The following LRP3 variants were observed in gnomAD, a reference collection of about 807,000 sequenced individuals.
LRP3 encodes low-density lipoprotein receptor-related protein 3.
A neutral mutation model predicts 58.5 loss-of-function variants in LRP3; 49 were observed. The ratio of observed to expected loss-of-function variants is 0.84; its 90% confidence interval spans 0.67 to 1.06. The LOEUF is 1.06. Among genes scored for constraint, LRP3 ranks in the 50% least tolerant of loss-of-function variants. The probability of loss-of-function intolerance (pLI) is 0.00; values close to 1 mark genes in which losing one functional copy is unlikely to be tolerated. For missense variants in LRP3, 1,019 were observed against 1,134.2 expected, an observed-to-expected ratio of 0.90 and a Z score of 1.46; for synonymous variants, 485 against 492.2, an observed-to-expected ratio of 0.99 and a Z score of 0.20.
intron 1 of LRP3, among the ~76,000 whole-genome samples, chr19:33,196,082 T>C (rs539123414): frequency 2.0e-5 from 3 of 152,116 alleles, no homozygotes; most frequent in African/African-American, 7.2e-5. Flanking sequence ...GGTGGGTGCT[T>C]GAGGGGTGGC....
chr19:33,196,808 T>G (rs1313174820), intron 2 of LRP3, 31 bp downstream of exon 2: 1 of 1,608,618 alleles, frequency 6.2e-7, no homozygotes, highest in Non-Finnish European at 8.5e-7. Flanking sequence ...CTTCCTCCAC[T>G]CCTTCAGTCC....
rs765423357 is a variant in LRP3, at chr19:33,205,818, C to G, written c.1048C>G (p.Arg350Gly). 2 of 1,586,626 alleles carry G rather than the reference C, an allele frequency of 1.3e-6. No homozygotes were observed. The highest frequency in any genetic ancestry group is 1.7e-6 in the Non-Finnish European group (2 of 1,168,338). The stretch of plus-strand genomic sequence containing the variant: ...CCGCCTCACTGTGGCCTACCACGCG[C>G]GCGCCCGCAGCGCCGGCCACGGCTT... ...QGRLTVAYHA[R>G]ARSAGHGFNA... The change falls in exon 5 of 7, where the codon CGC becomes GGC. Residue 350 changes from arginine (R) to glycine (G), a missense_variant. Transcript: ENST00000253193.
At chr19:33,201,003 G>A (rs1331774436) in intron 2 of LRP3, among the ~76,000 whole-genome samples, 1 of 152,332 alleles carries the variant, frequency 6.6e-6, no homozygotes, top group South Asian at 2.1e-4. Context: ...GTCCTAGTAG[G>A]CCCCCAGGGG....
At chr19:33,195,995 C>A (rs1473675649) in intron 1 of LRP3, among the ~76,000 whole-genome samples, 1 of 150,176 alleles carries the variant, frequency 6.7e-6, no homozygotes, top group Non-Finnish European at 1.5e-5. Flanking sequence ...AGTTGGGTTT[C>A]CCCCCACCCC....
chr19:33,199,932 C>T (rs960757585), intron 2 of LRP3, among the ~76,000 whole-genome samples: 2 of 152,154 alleles, frequency 1.3e-5, no homozygotes, highest in Admixed American at 6.5e-5. Context: ...AGGGGCAGGT[C>T]TATGTCTGTC....
rs1164386752 is a variant in LRP3, at chr19:33,206,167, T to G, written c.1397T>G (p.Leu466Arg). ...QPGTFHCGTN[L>R]CIFETWRCDG... ...GGCACCTTCCACTGCGGTACCAACC[T>G]GTGCATCTTCGAGACGTGGCGCTGT... Residue 466 changes from leucine (L) to arginine (R), a missense_variant, in exon 5 of 7, where the codon CTG (leucine) becomes CGG (arginine). This residue lies in a region of LRP3 where 592 missense variants were observed against 725.5 expected (regional missense o/e 0.82). Coordinates refer to ENST00000253193, the MANE Select transcript of LRP3 (RefSeq NM_002333.4). The G allele has an allele frequency of 6.3e-7, 1 of 1,598,926 alleles. No homozygotes were observed. Among genetic ancestry groups the G allele is most frequent in the Middle Eastern group, 1.7e-4 (1 of 6,034 alleles).
chr19:33,207,833 C>A lies in LRP3; in HGVS notation c.*258C>A, dbSNP rs1449709826. 2 of 532,846 alleles carry A rather than the reference C, an allele frequency of 3.8e-6. No individual in the cohort carries two copies. The highest frequency in any genetic ancestry group is 6.6e-6 in the Non-Finnish European group (2 of 303,228). The allele number at this position is 532,846 out of a possible 1,614,324, so 33.0% of individuals were successfully genotyped here. A position where few individuals can be genotyped will look rare whatever the true frequency, so the allele number is the denominator to read the frequency against. ...CACCCTGGGGTCTCACTTCTCTCCC[C>A]CCACTCCATTCTGGGAACCCATTTC... is the stretch of plus-strand genomic sequence containing the variant. On this transcript the variant is annotated 3_prime_UTR_variant, in exon 7 of 7. Coordinates refer to ENST00000253193, the MANE Select transcript of LRP3 (RefSeq NM_002333.4).
rs1483078907 is a variant in LRP3 at position 33,207,262 on chromosome 19, C to A, written c.2000C>A (p.Pro667His). The change falls in exon 7 of 7, where the codon CCC (proline) becomes CAC (histidine). Residue 667 changes from proline (P) to histidine (H), a missense_variant. Around this residue, in one of 2 missense-constraint regions of LRP3, gnomAD observed 427 missense variants for 408.6 expected, o/e 1.04. Transcript: ENST00000253193. Reference protein sequence around the residue: ...TGSTRAAGDRPPSAPGRAPEV... With the variant: ...TGSTRAAGDRHPSAPGRAPEV... ...AGCACCAGGGCGGCCGGAGACAGGCCCCCCAGTGCCCCCGGCCGTGCACCG... is the reference window on the plus strand; with the variant it reads ...AGCACCAGGGCGGCCGGAGACAGGCACCCCAGTGCCCCCGGCCGTGCACCG... 1.9e-6 allele frequency: 3 copies of A among 1,550,260 alleles called. No individual in the cohort carries two copies. Among genetic ancestry groups the A allele is most frequent in the South Asian group, 1.2e-5 (1 of 83,464 alleles).
Position 33,204,674 on chromosome 19 carries a change from C to T in LRP3, c.297C>T (p.Cys99=), listed in dbSNP as rs139965590. The T allele has an allele frequency of 1.7e-4, 277 of 1,608,460 alleles. No individual in the cohort carries two copies. The African/African-American group carries it at 3.3e-3, about 19-fold the overall frequency. ...RNFDVEESHQ[C]SLDWLLLGPA... is the part of the protein sequence containing the mutation. ...TTGACGTGGAGGAGTCCCACCAGTG[C>T]TCCCTGGACTGGCTCCTGCTGGGCC... The change falls in exon 4 of 7, where the codon TGC becomes TGT. Residue 99 remains cysteine (C), a synonymous_variant. Transcript: ENST00000253193.
At chr19:33,197,878 T>A (rs1376801213) in intron 2 of LRP3, among the ~76,000 whole-genome samples, 1 of 152,200 alleles carries the variant, frequency 6.6e-6, no homozygotes, top group African/African-American at 2.4e-5. Flanking sequence ...TGGGCCTCTT[T>A]CCCTCTCTCT....
intron 2 of LRP3, among the ~76,000 whole-genome samples, chr19:33,201,005 C>T (rs1974335720): frequency 6.6e-6 from 1 of 152,202 alleles, no homozygotes; most frequent in African/African-American, 2.4e-5. Flanking sequence ...CCTAGTAGGC[C>T]CCCAGGGGAA....
Position 33,204,773 on chromosome 19 carries a change from C to T in LRP3, c.396C>T (p.Arg132=), listed in dbSNP as rs145738331. The T allele has an allele frequency of 5.6e-6, 9 of 1,613,234 alleles. No homozygotes were observed. The highest frequency in any genetic ancestry group is 2.2e-5 in the South Asian group (2 of 91,088). ...TCCCACCTGCCTTCATCTCTGCCCG[C>T]GACCATGTCTGGATTTTCTTCCACT... ...SAIPPAFISA[R]DHVWIFFHSD... is the part of the protein sequence containing the mutation. Residue 132 remains arginine (R), a synonymous_variant, in exon 4 of 7, where the codon CGC becomes CGT. Transcript: ENST00000253193.
At chr19:33,196,407 A>G (rs1046531941) in intron 1 of LRP3, among the ~76,000 whole-genome samples, 1 of 151,818 alleles carries the variant, frequency 6.6e-6, no homozygotes, top group Non-Finnish European at 1.5e-5. Context: ...AAAAATAAAA[A>G]AATAACCAGG....
In LRP3 at chr19:33,204,167, C is replaced by T. The variant is rs185568026; in HGVS notation, c.261-471C>T. 1.3e-3 allele frequency: 226 copies of T among 171,538 alleles called. 1 individual carries two copies. The highest frequency in any genetic ancestry group is 5.2e-3 in the African/African-American group (219 of 42,168). 10.6% of individuals were successfully genotyped at this position (171,538 alleles called of 1,614,324 possible). On this transcript the variant is annotated intron_variant, in intron 3 of 6. Transcript: ENST00000253193. The stretch of plus-strand genomic sequence containing the variant: ...TGACAAGCTGTCAACCTGCTGCAGC[C>T]TTAGCCAGCCCCGTGGGCAGTCTCA...
rs116761954 is a variant in LRP3, at chr19:33,202,296, C to T, written c.122-552C>T. ...CCACTGAGGGGTTCTGCGTAAAGTT[C>T]GTCTGCTCCCACCCCCAGCCTATGA... On this transcript the variant is annotated intron_variant, in intron 2 of 6. Transcript: ENST00000253193. Among the ~76,000 whole-genome samples the T allele has an allele frequency of 4.1e-3, 617 of 152,334 alleles. 1 individual carries two copies. Among genetic ancestry groups the T allele is most frequent in the Middle Eastern group, 0.014 (4 of 294 alleles).
In LRP3 at chr19:33,206,667, TGGTCA is replaced by T; in HGVS notation, c.1661_1665del (p.Gly554AlafsTer209). 1 of 1,581,612 alleles carries T rather than the reference TGGTCA, an allele frequency of 6.3e-7. No individual in the cohort carries two copies. Among genetic ancestry groups the T allele is most frequent in the Non-Finnish European group, 8.6e-7 (1 of 1,164,626 alleles). The stretch of plus-strand genomic sequence containing the variant: ...TGCGGCGGGAGGCACCCCCATCCTA[TGGTCA>T]GCTCATCGCCCAGGGCCTCATTCCA... On this transcript the variant is annotated frameshift_variant, in exon 6 of 7. Coordinates refer to ENST00000253193, the MANE Select transcript of LRP3 (RefSeq NM_002333.4). LOFTEE classifies it high-confidence loss of function.
At chr19:33,199,912 C>T (rs1974324097) in intron 2 of LRP3, among the ~76,000 whole-genome samples, 1 of 152,202 alleles carries the variant, frequency 6.6e-6, no homozygotes, top group African/African-American at 2.4e-5. Flanking sequence ...CCCCCAAGGG[C>T]CCCAAGGAGA....
In LRP3 at chr19:33,206,371, T is replaced by C. The variant is rs1304366200; in HGVS notation, c.1592+9T>C. The C allele has an allele frequency of 6.2e-7, 1 of 1,604,166 alleles. No homozygotes were observed. The highest frequency in any genetic ancestry group is 8.5e-7 in the Non-Finnish European group (1 of 1,179,268). ...CGCACGCAGGAATACAGGTGGGCGC[T>C]GTGCCCGCAGCCAGGGGACCGGGCT... On this transcript the variant is annotated intron_variant, in intron 5 of 6. Coordinates refer to ENST00000253193, the MANE Select transcript of LRP3 (RefSeq NM_002333.4).
chr19:33,208,592 A>G lies in LRP3; in HGVS notation c.*1017A>G. ...CCACGGCATCTTCCTGGCCAGCAAC[A>G]TGTGTGCACCCACCGAGGTACGCCC... is the stretch of plus-strand genomic sequence containing the variant. On this transcript the variant is annotated 3_prime_UTR_variant, in exon 7 of 7. Transcript: ENST00000253193. The surrounding 1 kb of genome is among the most constrained non-coding windows in gnomAD (Gnocchi z 4.7). 4.4e-6 allele frequency: 2 copies of G among 456,124 alleles called. No individual in the cohort carries two copies. Among genetic ancestry groups the G allele is most frequent in the Non-Finnish European group, 4.0e-6 (1 of 249,614 alleles). The allele number at this position is 456,124 out of a possible 1,614,324, so 28.3% of individuals were successfully genotyped here.
Sources: allele counts gnomAD v4.1 joint callset (sites outside exome capture counted in the v4.1 genomes callset), GRCh38; gene constraint gnomAD v4.1.1; regional missense constraint gnomAD v4.1.1; non-coding constraint Gnocchi (gnomAD v3.1); transcripts MANE v1.5; gene names NCBI Gene and HGNC (gene_info 2026-07-23, HGNC 2026-07-21).